The following RAB28 variants were observed in gnomAD, a reference collection of about 807,000 sequenced individuals.
RAB28 encodes RAB28, member RAS oncogene family.
A neutral mutation model predicts 31.7 loss-of-function variants in RAB28; 24 were observed. The ratio of observed to expected loss-of-function variants is 0.76; its 90% CI spans 0.55 to 1.06. The LOEUF is 1.06. Among genes scored for constraint, RAB28 ranks in the 50% least tolerant of loss-of-function variants. The pLI is 0.00. For missense variants in RAB28, 254 were observed against 258.5 expected (o/e 0.98, Z 0.12); for synonymous variants, 100 against 90.4 (o/e 1.11, Z -0.60).
intron 3 of RAB28, among the ~76,000 whole-genome samples, chr4:13,471,542 C>A (rs1716121932): frequency 6.6e-6 from 1 of 151,832 alleles, no homozygotes; most frequent in South Asian, 2.1e-4. Flanking sequence ...CACTCTTTCG[C>A]CCAGGCTGGA....
intron 4 of RAB28, among the ~76,000 whole-genome samples, chr4:13,432,526 T>C (rs563121394): frequency 9.9e-5 from 15 of 151,978 alleles, no homozygotes; most frequent in Non-Finnish European, 1.9e-4. Flanking sequence ...AAAAAAATCT[T>C]AGAGGCAGCT....
rs1412558715 is a variant in RAB28, at chr4:13,368,408, T to G, written c.*150A>C. Reference sequence around the variant, plus strand: ...TCAAATCCAAGGAGCTGCCTGCCACTGTGAGGCAATAGCAATGATGAAGCA... The same window carrying G: ...TCAAATCCAAGGAGCTGCCTGCCACGGTGAGGCAATAGCAATGATGAAGCA... On this transcript the variant is annotated 3_prime_UTR_variant, in exon 7 of 7. Coordinates refer to ENST00000330852, the MANE Select transcript of RAB28 (RefSeq NM_001017979.3). 10 of 1,273,296 alleles carry G rather than the reference T, an allele frequency of 7.9e-6. No individual in the cohort carries two copies. The highest frequency in any genetic ancestry group is 9.9e-6 in the Non-Finnish European group (10 of 1,008,572). The allele number at this position is 1,273,296 out of a possible 1,614,324, so 78.9% of individuals were successfully genotyped here. A position where few individuals can be genotyped will look rare whatever the true frequency, so the allele number is the denominator to read the frequency against.
intron 4 of RAB28, among the ~76,000 whole-genome samples, chr4:13,423,042 C>T (rs1436729931): frequency 3.3e-5 from 5 of 151,770 alleles, no homozygotes; most frequent in East Asian, 3.9e-4. Context: ...ATAGTGTCTG[C>T]GACTTATTTT....
At chr4:13,412,419 G>C (rs1712489441) in intron 4 of RAB28, among the ~76,000 whole-genome samples, 1 of 151,984 alleles carries the variant, frequency 6.6e-6, no homozygotes, top group South Asian at 2.1e-4. Flanking sequence ...TCTGTGGCTG[G>C]GGGGAAGAAC....
At chr4:13,469,839 C>T (rs978951056) in intron 3 of RAB28, among the ~76,000 whole-genome samples, 2 of 151,980 alleles carry the variant, frequency 1.3e-5, no homozygotes, top group African/African-American at 2.4e-5. Context: ...CAGGCATGTA[C>T]CACAGTGCCC....
At chr4:13,424,546 C>T (rs1713364521) in intron 4 of RAB28, among the ~76,000 whole-genome samples, 1 of 152,126 alleles carries the variant, frequency 6.6e-6, no homozygotes, top group Admixed American at 6.5e-5. Flanking sequence ...AAGATCACAC[C>T]CACAGGTACT....
intron 4 of RAB28, among the ~76,000 whole-genome samples, chr4:13,446,725 A>G (rs777209324): frequency 6.6e-6 from 1 of 152,000 alleles, no homozygotes. Context: ...CCTCAGTTGG[A>G]AATGCGGAAA....
chr4:13,388,418 TG>T (rs1439951783), intron 4 of RAB28, among the ~76,000 whole-genome samples: 2 of 152,132 alleles, frequency 1.3e-5, no homozygotes, highest in Admixed American at 1.3e-4. Flanking sequence ...GTAAAACTCC[TG>T]GAAGAAAACA....
chr4:13,373,343 T>TAG (rs1173997533), intron 6 of RAB28, among the ~76,000 whole-genome samples: 1 of 152,106 alleles, frequency 6.6e-6, no homozygotes, highest in Non-Finnish European at 1.5e-5. Context: ...TACACTACCT[T>TAG]AGAGGATAAT....
At chr4:13,461,654 C>A (rs193190411) in intron 3 of RAB28, among the ~76,000 whole-genome samples, 1 of 152,286 alleles carries the variant, frequency 6.6e-6, no homozygotes, top group Non-Finnish European at 1.5e-5. Flanking sequence ...ATATCATATT[C>A]CTTTTAATTT....
chr4:13,377,868 G>T (rs1364605493), intron 5 of RAB28, among the ~76,000 whole-genome samples: 1 of 152,198 alleles, frequency 6.6e-6, no homozygotes, highest in African/African-American at 2.4e-5. Flanking sequence ...CAGATGTGGG[G>T]TGTGAGAGAA....
intron 4 of RAB28, among the ~76,000 whole-genome samples, chr4:13,444,969 G>A (rs1392880534): frequency 6.6e-6 from 1 of 151,998 alleles, no homozygotes; most frequent in Non-Finnish European, 1.5e-5. Context: ...ATCCTGAAGT[G>A]TTTTTCCCAA....
chr4:13,418,254 G>T (rs969188653), intron 4 of RAB28, among the ~76,000 whole-genome samples: 1 of 152,202 alleles, frequency 6.6e-6, no homozygotes, highest in Non-Finnish European at 1.5e-5. Context: ...GGGACTATGT[G>T]AAAAGACCAA....
intron 6 of RAB28, among the ~76,000 whole-genome samples, chr4:13,376,218 G>C (rs1373390900): frequency 6.6e-6 from 1 of 152,028 alleles, no homozygotes; most frequent in Non-Finnish European, 1.5e-5. Context: ...AAATTGAATA[G>C]AGGCTCCAAA....
intron 4 of RAB28, among the ~76,000 whole-genome samples, chr4:13,446,964 T>A (rs1714731581): frequency 6.6e-6 from 1 of 152,196 alleles, no homozygotes; most frequent in African/African-American, 2.4e-5. Context: ...TTAACAGTTT[T>A]ACTCATCTCA....
intron 4 of RAB28, among the ~76,000 whole-genome samples, chr4:13,447,480 G>C (rs1393973008): frequency 6.6e-6 from 1 of 152,104 alleles, no homozygotes; most frequent in East Asian, 1.9e-4. Context: ...AAAAGAGAGA[G>C]AGAGAGAAAG....
chr4:13,427,226 T>C (rs1271993175), intron 4 of RAB28, among the ~76,000 whole-genome samples: 1 of 152,208 alleles, frequency 6.6e-6, no homozygotes, highest in African/African-American at 2.4e-5. Flanking sequence ...ATTCTGAAGA[T>C]ATAAAATATT....
intron 4 of RAB28, among the ~76,000 whole-genome samples, chr4:13,396,533 A>G (rs1729880120): frequency 6.6e-6 from 1 of 152,184 alleles, no homozygotes. Context: ...AATTAGCAGA[A>G]CTTGATTTTG....
intron 4 of RAB28, among the ~76,000 whole-genome samples, chr4:13,418,659 A>G (rs1219709575): frequency 6.6e-6 from 1 of 152,222 alleles, no homozygotes; most frequent in Non-Finnish European, 1.5e-5. Context: ...ACTAAGCTTC[A>G]TAAGTGAAGG....
Sources: gnomAD v4.1 joint callset for allele counts (sites outside exome capture counted in the v4.1 genomes callset) on GRCh38, gnomAD v4.1.1 for gene constraint, MANE v1.5 for transcripts, NCBI Gene and HGNC (gene_info 2026-07-23, HGNC 2026-07-21) for gene names.